Variants in ABL2 observed in about 807,000 individuals in gnomAD.
The protein encoded by ABL2 is ABL proto-oncogene 2, non-receptor tyrosine kinase.
In ABL2, 49 loss-of-function variants were observed where a neutral mutation model predicts 107.7. The observed-to-expected ratio is 0.45, with a 90% CI of 0.36 to 0.58. ABL2 has a LOEUF of 0.58. Ranked by LOEUF, ABL2 falls within the 20% of genes least tolerant of loss-of-function variation. ABL2 has a pLI of 0.00. For synonymous variants in ABL2, 549 were observed against 548.6 expected (o/e 1.00, Z -0.01); for missense variants, 1,245 against 1,457.0 (o/e 0.85, Z 2.37).
chr1:179,167,002 A>G (rs2102765156), intron 1 of ABL2, among the ~76,000 whole-genome samples: 1 of 152,292 alleles, frequency 6.6e-6, no homozygotes, highest in East Asian at 1.9e-4. Flanking sequence ...GAGATTTCTC[A>G]AAAAATTAAA....
rs1013419609 is a variant in ABL2 at position 179,105,599 on chromosome 1, C to T, written c.*2119G>A. On this transcript the variant is annotated 3_prime_UTR_variant, in exon 12 of 12. Transcript: ENST00000502732. The stretch of plus-strand genomic sequence containing the variant: ...TGAACCCAATCACTAGCTGCCTGTG[C>T]TGCAACTGCAGGTGACATACTGCGG... 8.7e-6 allele frequency: 2 copies of T among 228,618 alleles called. No homozygotes were observed. The highest frequency in any genetic ancestry group is 5.7e-5 in the Admixed American group (1 of 17,614). 14.2% of individuals were successfully genotyped at this position (228,618 alleles called of 1,614,324 possible). A position where few individuals can be genotyped will look rare whatever the true frequency, so the allele number is the denominator to read the frequency against.
Position 179,101,389 on chromosome 1 carries a change from T to TTC in ABL2, c.*6328_*6329insGA, listed in dbSNP as rs1553211595. 2.7e-5 allele frequency: 5 copies of TTC among 185,542 alleles called. No individual in the cohort carries two copies. Among genetic ancestry groups the TTC allele is most frequent in the Non-Finnish European group, 5.7e-5 (5 of 88,192 alleles). The allele number at this position is 185,542 out of a possible 1,614,324, so 11.5% of individuals were successfully genotyped here. A position where few individuals can be genotyped will look rare whatever the true frequency, so the allele number is the denominator to read the frequency against. ...AAATGAAGGTATCCTTTTTTTTTTT[T>TTC]TTCTTCTTAACGTGTCTCACTCTGT... On this transcript the variant is annotated 3_prime_UTR_variant, in exon 12 of 12. Transcript: ENST00000502732.
chr1:179,221,287 C>G (rs1662849899), intron 1 of ABL2: 1 of 157,234 alleles, frequency 6.4e-6, no homozygotes, highest in Non-Finnish European at 1.4e-5. Context: ...TAGACACATA[C>G]AAAAACCTGA....
At chr1:179,136,501 C>T (rs981925178) in intron 1 of ABL2, among the ~76,000 whole-genome samples, 10 of 151,086 alleles carry the variant, frequency 6.6e-5, no homozygotes, top group African/African-American at 2.2e-4. Flanking sequence ...TAAACAGATG[C>T]TTGAAGGCAG....
At chr1:179,209,393 A>G (rs941885001) in intron 1 of ABL2, among the ~76,000 whole-genome samples, 5 of 152,306 alleles carry the variant, frequency 3.3e-5, no homozygotes, top group East Asian at 1.9e-4. Flanking sequence ...ATAAAATTAC[A>G]TAAGTTTCCC....
In ABL2 at chr1:179,108,158, C is replaced by G. The variant is rs1174945821; in HGVS notation, c.3109G>C (p.Gly1037Arg). Residue 1037 changes from glycine (G) to arginine (R), a missense_variant, in exon 12 of 12, where the codon GGG (glycine) becomes CGG (arginine). Physicochemically the swap from Gly to Arg is moderately radical, Grantham distance 125. This residue lies in a region of ABL2 where 761 missense variants were observed against 766.4 expected (regional missense o/e 0.99). Transcript: ENST00000502732. ...LGAVPISGKA[G>R]RPVMPPPQVP... ...TGAGGTGGAGGCATCACTGGCCTCC[C>G]AGCTTTCCCACTGATGGGCACTGCG... is the stretch of plus-strand genomic sequence containing the variant. 23 of 1,614,090 alleles carry G rather than the reference C, an allele frequency of 1.4e-5. No homozygotes were observed. In the East Asian group the frequency reaches 4.7e-4, roughly 33 times the overall value.
chr1:179,216,316 T>C (rs909373990), intron 1 of ABL2, among the ~76,000 whole-genome samples: 35 of 152,340 alleles, frequency 2.3e-4, no homozygotes, highest in Admixed American at 2.1e-3. Context: ...CATTTGAAAA[T>C]ACTGACAAAA....
At chr1:179,154,762 C>A (rs1487916183) in intron 1 of ABL2, among the ~76,000 whole-genome samples, 1 of 152,172 alleles carries the variant, frequency 6.6e-6, no homozygotes, top group Non-Finnish European at 1.5e-5. Flanking sequence ...AGCATCCCTT[C>A]TCATTATTTA....
chr1:179,152,527 T>G (rs1318492033), intron 1 of ABL2, among the ~76,000 whole-genome samples: 1 of 152,168 alleles, frequency 6.6e-6, no homozygotes, highest in Non-Finnish European at 1.5e-5. Flanking sequence ...TTGGCCTGAT[T>G]AGAGAGATGA....
intron 6 of ABL2, among the ~76,000 whole-genome samples, chr1:179,119,112 T>G (rs1189254058): frequency 6.6e-6 from 1 of 152,168 alleles, no homozygotes; most frequent in African/African-American, 2.4e-5. Context: ...AGGCTAACAA[T>G]ACTTATTCAA....
intron 1 of ABL2, among the ~76,000 whole-genome samples, chr1:179,149,065 GT>G (rs1347740727): frequency 6.6e-6 from 1 of 152,162 alleles, no homozygotes; most frequent in Non-Finnish European, 1.5e-5. Context: ...AAAAAACTAC[GT>G]CTCTCGTACA....
intron 1 of ABL2, among the ~76,000 whole-genome samples, chr1:179,136,057 G>A (rs1271702370): frequency 2.2e-4 from 33 of 149,300 alleles, no homozygotes; most frequent in African/African-American, 7.9e-4. Context: ...CCCTCTGCCC[G>A]GCCAGCCGCC....
In ABL2 at chr1:179,210,503, CAAAAAAAA is replaced by C. The variant is rs113814284; in HGVS notation, c.157+18730_157+18737del. Among the ~76,000 whole-genome samples the C allele has an allele frequency of 2.4e-3, 223 of 94,102 alleles. 1 individual carries two copies. Among genetic ancestry groups the C allele is most frequent in the African/African-American group, 8.7e-3 (204 of 23,552 alleles). The allele number at this position is 94,102 out of a possible 152,430, so 61.7% of individuals were successfully genotyped here. ...AGTGATAGAGCAAGACTCTAACTCA[CAAAAAAAA>C]AAAAAAAGAAAAAAAAAAGCTTTAA... is the stretch of plus-strand genomic sequence containing the variant. On this transcript the variant is annotated intron_variant, in intron 1 of 11. Transcript: ENST00000502732.
At chr1:179,200,028 G>GCCCCCAAT in intron 1 of ABL2, among the ~76,000 whole-genome samples, 1 of 139,086 alleles carries the variant, frequency 7.2e-6, no homozygotes, top group African/African-American at 2.7e-5. Context: ...ACTGCACCTG[G>GCCCCCAAT]CCCCCAATGC....
chr1:179,187,624 A>G (rs1057122866), intron 1 of ABL2, among the ~76,000 whole-genome samples: 2 of 152,252 alleles, frequency 1.3e-5, no homozygotes, highest in African/African-American at 4.8e-5. Flanking sequence ...GAATCCCTCC[A>G]GAGTTTAACT....
chr1:179,218,326 A>G (rs898641583), intron 1 of ABL2, among the ~76,000 whole-genome samples: 4 of 152,216 alleles, frequency 2.6e-5, no homozygotes, highest in African/African-American at 9.7e-5. Context: ...GAATTTCTGA[A>G]CCAGTTTTGA....
chr1:179,219,407 A>G (rs1200957072), intron 1 of ABL2, among the ~76,000 whole-genome samples: 2 of 152,200 alleles, frequency 1.3e-5, no homozygotes, highest in Non-Finnish European at 2.9e-5. Context: ...AAGAAGAAAA[A>G]AAAAGGTCTT....
At position 179,110,369 on chromosome 1, in the gene ABL2, G is replaced by A. The variant is rs749289078; in HGVS notation, c.1738C>T (p.Arg580Trp). The A allele has an allele frequency of 5.6e-6, 9 of 1,614,050 alleles. No individual in the cohort carries two copies. Among genetic ancestry groups the A allele is most frequent in the Admixed American group, 5.0e-5 (3 of 60,006 alleles). The change falls in exon 11 of 12, where the codon CGG becomes TGG. Residue 580 changes from arginine to tryptophan, a missense_variant. Arg to Trp is a moderately radical substitution (Grantham distance 101, BLOSUM62 -3). Around this residue, in one of 3 missense-constraint regions of ABL2, gnomAD observed 761 missense variants for 766.4 expected, o/e 0.99. Transcript: ENST00000502732. ...PRLPILPSKTRTLKKQVENKE... is the reference protein window; with the variant it reads ...PRLPILPSKTWTLKKQVENKE... ...TTCTCCACCTGTTTCTTCAGTGTCC[G>A]AGTCTTGGAAGGAAGTATAGGTAGC...
chr1:179,188,961 A>G (rs961912779), intron 1 of ABL2, among the ~76,000 whole-genome samples: 5 of 152,230 alleles, frequency 3.3e-5, no homozygotes, highest in Non-Finnish European at 7.3e-5. Flanking sequence ...ATCTTGAACT[A>G]TATTAACGAG....
Sources: allele counts gnomAD v4.1 joint callset (sites outside exome capture counted in the v4.1 genomes callset), GRCh38; gene constraint gnomAD v4.1.1; regional missense constraint gnomAD v4.1.1; transcripts MANE v1.5; gene names NCBI Gene and HGNC (gene_info 2026-07-23, HGNC 2026-07-21).